Variants in UGT1A6 observed in about 807,000 individuals in gnomAD.
The protein encoded by UGT1A6 is UDP glucuronosyltransferase family 1 member A6.
Under a neutral mutation model 44.4 loss-of-function variants are expected in UGT1A6, and 32 were observed. The ratio of observed to expected loss-of-function variants is 0.72; its 90% CI spans 0.54 to 0.97. The LOEUF (loss-of-function observed/expected upper bound fraction) is 0.97. Ranked by LOEUF, UGT1A6 falls within the 50% of genes least tolerant of loss-of-function variation. The pLI is 0.00. For synonymous variants in UGT1A6, 238 were observed against 248.5 expected (o/e 0.96, Z 0.40); for missense variants, 685 against 661.9 (o/e 1.03, Z -0.38).
intron 1 of UGT1A6, among the ~76,000 whole-genome samples, chr2:233,730,329 G>A (rs1170762971): frequency 1.3e-5 from 2 of 152,172 alleles, no homozygotes; most frequent in Non-Finnish European, 2.9e-5. Context: ...GGGACACTAC[G>A]TTTGGAACTG....
rs1273237448 is a variant in UGT1A6 at position 233,760,469 on chromosome 2, C to G, written c.862-6565C>G. The G allele has an allele frequency of 6.2e-6, 10 of 1,614,092 alleles. No homozygotes were observed. The highest frequency in any genetic ancestry group is 2.2e-5 in the South Asian group (2 of 91,086). On this transcript the variant is annotated intron_variant, in intron 1 of 4. Transcript: ENST00000305139. The stretch of plus-strand genomic sequence containing the variant: ...AGGGGACATGAAATAGTTGTCCTAG[C>G]ACCTGACGCCTCGTTGTACATCAGA...
intron 1 of UGT1A6, among the ~76,000 whole-genome samples, chr2:233,697,933 GA>G (rs1406564471): frequency 6.6e-6 from 1 of 152,062 alleles, no homozygotes; most frequent in Non-Finnish European, 1.5e-5. Flanking sequence ...TAGGGTATTG[GA>G]AAAAAGTAAA....
intron 1 of UGT1A6, chr2:233,740,766 G>A (rs189465133): frequency 3.0e-4 from 46 of 151,826 alleles, no homozygotes; most frequent in Admixed American, 7.8e-4. Context: ...TTATCAAACC[G>A]TTGTATAAAA....
chr2:233,694,680 C>T (rs2075234275), intron 1 of UGT1A6, among the ~76,000 whole-genome samples: 1 of 152,146 alleles, frequency 6.6e-6, no homozygotes. Context: ...TCAAACAGGT[C>T]CCAAAGACCC....
In UGT1A6 at chr2:233,769,692, A is replaced by G; in HGVS notation, c.1301+1253A>G. On this transcript the variant is annotated intron_variant, in intron 4 of 4. Transcript: ENST00000305139. The surrounding 1 kb of genome is among the most constrained non-coding windows in gnomAD (Gnocchi z 4.4). ...GCTAATGTGTGTGTGGTGGCACTGG[A>G]TAAAAGATCAATGTTGGCTAGGCAC... 1.9e-6 allele frequency: 3 copies of G among 1,542,672 alleles called. No individual in the cohort carries two copies. Among genetic ancestry groups the G allele is most frequent in the Non-Finnish European group, 2.6e-6 (3 of 1,143,658 alleles).
rs1173027816 is a variant in UGT1A6 at position 233,693,445 on chromosome 2, T to C, written c.441T>C (p.Leu147=). ...TTAAGGAGAGCAAGTTTGATGCTCT[T>C]TTCACAGACCCAGCCTTACCCTGTG... ...NFFKESKFDA[L]FTDPALPCGV... Residue 147 remains leucine (L), a synonymous_variant, in exon 1 of 5, where the codon CTT becomes CTC. Coordinates refer to ENST00000305139, the MANE Select transcript of UGT1A6 (RefSeq NM_001072.4). The C allele has an allele frequency of 1.9e-6, 3 of 1,614,012 alleles. No individual in the cohort carries two copies. Among genetic ancestry groups the C allele is most frequent in the South Asian group, 2.2e-5 (2 of 91,062 alleles).
intron 1 of UGT1A6, among the ~76,000 whole-genome samples, chr2:233,756,623 G>A (rs1327328388): frequency 6.6e-6 from 1 of 152,146 alleles, no homozygotes; most frequent in East Asian, 1.9e-4. Flanking sequence ...CTTGCAGGCC[G>A]TGTGTATAGC....
intron 1 of UGT1A6, chr2:233,742,923 T>C (rs1692137211): frequency 5.3e-6 from 1 of 189,486 alleles, no homozygotes; most frequent in Admixed American, 5.4e-5. Context: ...AGTGCTGAAC[T>C]GAACATTCTG....
chr2:233,740,338 G>C (rs1156245808), intron 1 of UGT1A6, among the ~76,000 whole-genome samples: 2 of 151,948 alleles, frequency 1.3e-5, no homozygotes, highest in Admixed American at 1.3e-4. Context: ...TGAGAAAGTT[G>C]ATGAGAAAGT....
chr2:233,694,262 A>AC (rs1480202437), intron 1 of UGT1A6, among the ~76,000 whole-genome samples: 9 of 151,410 alleles, frequency 5.9e-5, no homozygotes, highest in Non-Finnish European at 1.2e-4. Context: ...GGACCAGCGA[A>AC]CTACAGCCTG....
In UGT1A6 at chr2:233,767,853, T is replaced by C; in HGVS notation, c.998T>C (p.Leu333Pro). 1.2e-6 allele frequency: 2 copies of C among 1,614,210 alleles called. No individual in the cohort carries two copies. The highest frequency in any genetic ancestry group is 1.1e-5 in the South Asian group (1 of 91,084). Residue 333 changes from leucine (L) to proline (P), a missense_variant, in exon 3 of 5, where the codon CTG becomes CCG. By Grantham distance (98) the Leu-to-Pro change is moderately conservative. Transcript: ENST00000305139. The part of the protein sequence containing the change: ...DALGKIPQTV[L>P]WRYTGTRPSN... ...TGCTCTTTTTGCCCCTCCCAGGTCC[T>C]GTGGCGGTACACTGGAACCCGACCA...
At chr2:233,718,787 G>T (rs780688906) in intron 1 of UGT1A6, 1 of 1,613,100 alleles carries the variant, frequency 6.2e-7, no homozygotes, top group South Asian at 1.1e-5. Flanking sequence ...CACAGCGTGG[G>T]GTGGACAGTC....
At chr2:233,744,229 G>T (rs1245532493) in intron 1 of UGT1A6, among the ~76,000 whole-genome samples, 1 of 151,826 alleles carries the variant, frequency 6.6e-6, no homozygotes, top group African/African-American at 2.4e-5. Context: ...AAAAGAGAGG[G>T]CCTTGACTTT....
At chr2:233,730,041 T>G in intron 1 of UGT1A6, 1 of 1,612,628 alleles carries the variant, frequency 6.2e-7, no homozygotes, top group South Asian at 1.1e-5. Flanking sequence ...CAAAACACTT[T>G]TTAAAAAAAT....
At chr2:233,691,718 G>T, upstream of UGT1A6, 1 of 898,996 alleles carries the variant, frequency 1.1e-6, no homozygotes, top group South Asian at 5.1e-5. Context: ...CTGGCAGATG[G>T]GTGGCTGGGC....
intron 1 of UGT1A6, among the ~76,000 whole-genome samples, chr2:233,735,780 G>A (rs1327428740): frequency 7.9e-5 from 12 of 152,112 alleles, no homozygotes; most frequent in Admixed American, 6.5e-4. Context: ...GCTTACTTTG[G>A]CTGCATATGA....
intron 1 of UGT1A6, among the ~76,000 whole-genome samples, chr2:233,715,560 C>G (rs1442494993): frequency 6.6e-6 from 1 of 151,940 alleles, no homozygotes; most frequent in Non-Finnish European, 1.5e-5. Context: ...TTGCTTGAGC[C>G]CAGGAGTCTG....
Position 233,766,962 on chromosome 2 carries a change from T to G in UGT1A6, c.862-72T>G, listed in dbSNP as rs1699292414. 20 of 1,607,676 alleles carry G rather than the reference T, an allele frequency of 1.2e-5. No homozygotes were observed. In the East Asian group the frequency reaches 4.5e-4, roughly 36 times the overall value. ...TAGTCTTAAGAGGAAGATATCTAAT[T>G]CATAACTTACTGTATGTAGTCATCA... On this transcript the variant is annotated intron_variant, in intron 1 of 4. Coordinates refer to ENST00000305139, the MANE Select transcript of UGT1A6 (RefSeq NM_001072.4).
intron 1 of UGT1A6, chr2:233,755,069 G>T: frequency 2.2e-6 from 3 of 1,336,508 alleles, no homozygotes; most frequent in Non-Finnish European, 3.0e-6. Flanking sequence ...CCTCGCCATA[G>T]CGGTCATAGA....
Sources: allele counts gnomAD v4.1 joint callset (sites outside exome capture counted in the v4.1 genomes callset), GRCh38; gene constraint gnomAD v4.1.1; non-coding constraint Gnocchi (gnomAD v3.1); transcripts MANE v1.5; gene names NCBI Gene and HGNC (gene_info 2026-07-23, HGNC 2026-07-21).